Variants in N4BP2L2 observed in about 807,000 individuals in gnomAD.
N4BP2L2 encodes NEDD4 binding protein 2 like 2.
N4BP2L2 carries 50 observed loss-of-function variants against 56.2 expected under a neutral mutation model. That is an observed-to-expected ratio of 0.89 (90% CI 0.71 to 1.13). The LOEUF (loss-of-function observed/expected upper bound fraction) is 1.13, where lower values mean the gene tolerates loss of function less well. Ranked by LOEUF, N4BP2L2 falls within the 50% of genes most tolerant of loss-of-function variation. N4BP2L2 has a pLI of 0.00. For synonymous variants in N4BP2L2, 203 were observed against 223.6 expected, an observed-to-expected ratio of 0.91 and a Z score of 0.82; for missense variants, 689 against 693.8, an observed-to-expected ratio of 0.99 and a Z score of 0.08.
intron 6 of N4BP2L2, among the ~76,000 whole-genome samples, chr13:32,471,682 A>C (rs2082321375): frequency 6.6e-6 from 1 of 152,250 alleles, no homozygotes; most frequent in Non-Finnish European, 1.5e-5. Flanking sequence ...CAGGAGCTGC[A>C]GAGCTGGAGC....
exon 7 of N4BP2L2, chr13:32,443,359 T>C (rs757944563): frequency 3.1e-6 from 5 of 1,613,934 alleles, no homozygotes; most frequent in African/African-American, 2.7e-5. Flanking sequence ...TATAAACTTA[T>C]GAGGTCCTGC....
intron 3 of N4BP2L2, chr13:32,523,610 G>T (rs1251995433): frequency 6.6e-6 from 1 of 151,550 alleles, no homozygotes; most frequent in African/African-American, 2.4e-5. Context: ...CTTAAACCTG[G>T]GAGGCGGAGG....
chr13:32,521,444 T>G lies in N4BP2L2; in HGVS notation c.1479A>C (p.Ile493=), dbSNP rs759422370. The change falls in exon 5 of 6, where the codon ATA becomes ATC. Residue 493 remains isoleucine, a synonymous_variant. Transcript: ENST00000267068. ...GAAACTCTACTCTGTATCCTTTTCC[T>G]ATGGCCTACACAAAGGAAAGGAAGA... The G allele has an allele frequency of 4.3e-6, 7 of 1,609,960 alleles. No individual in the cohort carries two copies. The Middle Eastern group carries it at 6.6e-4, about 152-fold the overall frequency.
intron 6 of N4BP2L2, among the ~76,000 whole-genome samples, chr13:32,501,946 T>C (rs1485641780): frequency 6.6e-6 from 1 of 152,032 alleles, no homozygotes; most frequent in Admixed American, 6.6e-5. Context: ...ATATGTATCA[T>C]AACAAATTGT....
intron 3 of N4BP2L2, among the ~76,000 whole-genome samples, chr13:32,526,025 T>C (rs1272863148): frequency 1.5e-5 from 2 of 131,024 alleles, no homozygotes; most frequent in Non-Finnish European, 3.1e-5. Context: ...AAATATCTGC[T>C]TGCCAAAAAA....
At chr13:32,469,409 T>G (rs569643926) in intron 6 of N4BP2L2, among the ~76,000 whole-genome samples, 1 of 149,674 alleles carries the variant, frequency 6.7e-6, no homozygotes, top group Non-Finnish European at 1.5e-5. Flanking sequence ...GTCAGCAGAG[T>G]CAGATGGGTG....
At chr13:32,529,005 T>C (rs1179036736) in intron 2 of N4BP2L2, among the ~76,000 whole-genome samples, 1 of 152,220 alleles carries the variant, frequency 6.6e-6, no homozygotes, top group Non-Finnish European at 1.5e-5. Context: ...CTCTGGATTA[T>C]TTATAATACC....
chr13:32,434,273 A>AT (rs2075216753), intron 9 of N4BP2L2, among the ~76,000 whole-genome samples: 1 of 73,544 alleles, frequency 1.4e-5, no homozygotes, highest in African/African-American at 5.3e-5. Context: ...TTTTTTTTGT[A>AT]TTTTAGTAGA....
chr13:32,486,266 C>G (rs2139236706), intron 6 of N4BP2L2, among the ~76,000 whole-genome samples: 1 of 151,604 alleles, frequency 6.6e-6, no homozygotes, highest in South Asian at 2.1e-4. Context: ...GGCGATTAGG[C>G]AAGAAAAAAA....
intron 6 of N4BP2L2, chr13:32,446,575 C>G: frequency 8.1e-7 from 1 of 1,239,578 alleles, no homozygotes; most frequent in Non-Finnish European, 1.0e-6. Context: ...AAGAGACTCA[C>G]TGCAGCACTG....
intron 6 of N4BP2L2, among the ~76,000 whole-genome samples, chr13:32,448,768 T>C (rs1196745334): frequency 1.3e-5 from 2 of 152,140 alleles, no homozygotes; most frequent in African/African-American, 4.8e-5. Context: ...CAGAATCCTA[T>C]ATACTAATTT....
chr13:32,480,263 T>A (rs1258244377), intron 6 of N4BP2L2, among the ~76,000 whole-genome samples: 2 of 152,202 alleles, frequency 1.3e-5, no homozygotes, highest in Non-Finnish European at 2.9e-5. Flanking sequence ...ATTCTATATC[T>A]ATTGACAATA....
intron 2 of N4BP2L2, among the ~76,000 whole-genome samples, chr13:32,535,339 T>C (rs1033147419): frequency 3.3e-5 from 5 of 152,260 alleles, no homozygotes; most frequent in Admixed American, 1.3e-4. Context: ...AGTTCTCAAG[T>C]AGCATTTGCT....
chr13:32,535,999 A>G (rs1195820336), exon 2 of N4BP2L2: 12 of 1,613,850 alleles, frequency 7.4e-6, no homozygotes, highest in South Asian at 2.2e-5. Flanking sequence ...CACTACTCCT[A>G]TTCTCACTAC....
In N4BP2L2 at chr13:32,522,309, T is replaced by C. The variant is rs758871076; in HGVS notation, c.1385-39A>G. ...TAAATTTAAAAATAAAAAAACAAAT[T>C]AGGTTAAAACACACAAAAGTTAAAC... On this transcript the variant is annotated intron_variant, in intron 3 of 5. Coordinates refer to ENST00000267068, the Ensembl canonical transcript of N4BP2L2. The C allele has an allele frequency of 5.3e-6, 7 of 1,319,676 alleles. No homozygotes were observed. The East Asian group carries it at 1.8e-4, about 33-fold the overall frequency. 81.7% of individuals were successfully genotyped at this position (1,319,676 alleles called of 1,614,324 possible).
intron 6 of N4BP2L2, among the ~76,000 whole-genome samples, chr13:32,492,911 T>G (rs1425478731): frequency 7.5e-6 from 1 of 133,110 alleles, no homozygotes; most frequent in African/African-American, 2.9e-5. Flanking sequence ...TTTTGTAGCT[T>G]TTCTGTTTTT....
At chr13:32,523,513 C>T (rs992665284) in intron 3 of N4BP2L2, 1 of 150,506 alleles carries the variant, frequency 6.6e-6, no homozygotes, top group African/African-American at 2.5e-5. Flanking sequence ...GGTGAAAAGC[C>T]ATCTCTACTC....
At chr13:32,496,281 T>G (rs767881172) in intron 6 of N4BP2L2, among the ~76,000 whole-genome samples, 10 of 152,196 alleles carry the variant, frequency 6.6e-5, no homozygotes, top group African/African-American at 9.6e-5. Flanking sequence ...ACTTGTTGAC[T>G]GTGCCAAGAA....
chr13:32,457,833 T>C (rs572700601), intron 6 of N4BP2L2, among the ~76,000 whole-genome samples: 3 of 152,126 alleles, frequency 2.0e-5, no homozygotes, highest in Middle Eastern at 3.4e-3. Context: ...AGAGAAGGGA[T>C]TCAAATGTTA....
Sources: allele counts gnomAD v4.1 joint callset (sites outside exome capture counted in the v4.1 genomes callset), GRCh38; gene constraint gnomAD v4.1.1; transcripts MANE v1.5; gene names NCBI Gene and HGNC (gene_info 2026-07-23, HGNC 2026-07-21).